The following BRD2 variants were observed in gnomAD, a reference collection of about 807,000 sequenced individuals.
BRD2 encodes the protein bromodomain-containing protein 2.
BRD2 carries 15 observed loss-of-function variants against 79.1 expected under a neutral mutation model. The observed-to-expected ratio is 0.19, with a 90% CI of 0.13 to 0.29. The LOEUF is 0.29. Among genes scored for constraint, BRD2 ranks in the 10% least tolerant of loss-of-function variants. The pLI, the probability that BRD2 is intolerant of heterozygous loss-of-function variation, is 1.00. For missense variants in BRD2, 1,053 were observed against 991.3 expected (o/e 1.06, Z -0.84); for synonymous variants, 488 against 358.6 (o/e 1.36, Z -4.08).
chr6:32,977,191 G>T, intron 7 of BRD2: 1 of 1,462,070 alleles, frequency 6.8e-7, no homozygotes, highest in South Asian at 1.2e-5. Flanking sequence ...GTTGGGTTAA[G>T]GAAGTTATAG....
At chr6:32,974,369 T>C (rs1239630137) in intron 2 of BRD2, 93 bp from the exon 3 acceptor site, 11 of 1,343,892 alleles carry the variant, frequency 8.2e-6, no homozygotes, top group Non-Finnish European at 9.3e-6. Context: ...ACCACCTCAC[T>C]AGGGCCAGCA....
At chr6:32,973,176 C>T (rs1297299230) in intron 2 of BRD2, 4 of 1,537,220 alleles carry the variant, frequency 2.6e-6, no homozygotes, top group Admixed American at 2.0e-5. Flanking sequence ...CAGTCTTAAC[C>T]GAGTCAGGCA....
intron 1 of BRD2, chr6:32,971,340 G>C (rs1382946419): frequency 1.1e-5 from 4 of 367,716 alleles, no homozygotes; most frequent in Non-Finnish European, 1.9e-5. Context: ...AAAGGTGCTT[G>C]GACGTGCAAA....
At chr6:32,973,266 G>T (rs926565359) in intron 2 of BRD2, 36 of 1,054,722 alleles carry the variant, frequency 3.4e-5, no homozygotes, top group Non-Finnish European at 4.7e-5. Context: ...GCGGCGGTCT[G>T]TTAGCCTTTT....
intron 8 of BRD2, 74 bp downstream of exon 8, chr6:32,977,644 A>G (rs889849829): frequency 3.1e-6 from 5 of 1,603,068 alleles, no homozygotes; most frequent in Admixed American, 3.4e-5. Flanking sequence ...GCATAGCCTC[A>G]ACGTGAGGGT....
In BRD2 at chr6:32,972,755, C is replaced by G. The variant is rs1299823174; in HGVS notation, c.-144C>G. ...CCCAAAGAGACTGCTTTCGTGCCGG[C>G]CAGGCAGGGGGTTTGTCGCCTGGAG... On this transcript the variant is annotated 5_prime_UTR_variant, in exon 2 of 13. Transcript: ENST00000374825. The G allele has an allele frequency of 3.1e-6, 4 of 1,276,310 alleles. No homozygotes were observed. In the Admixed American group the frequency reaches 7.2e-5, roughly 23 times the overall value. 79.1% of individuals were successfully genotyped at this position (1,276,310 alleles called of 1,614,324 possible). A position where few individuals can be genotyped will look rare whatever the true frequency, so the allele number is the denominator to read the frequency against.
rs6924369 is a variant in BRD2, at chr6:32,975,376, T to G, written c.334-8T>G. 3.1e-5 allele frequency: 49 copies of G among 1,600,386 alleles called. No homozygotes were observed. The highest frequency in any genetic ancestry group is 1.7e-4 in the Middle Eastern group (1 of 5,874). On this transcript the variant is annotated splice_region_variant and splice_polypyrimidine_tract_variant and intron_variant, in intron 3 of 12. Coordinates refer to ENST00000374825, the MANE Select transcript of BRD2 (RefSeq NM_005104.4). ...TCTGTGGTTCTGACCTAACATTTTT[T>G]TATTTAGGATTATCACAAAATTATA...
chr6:32,976,012 GCTGT>G lies in BRD2; in HGVS notation c.472-14_472-11del, dbSNP rs1561941555. ...TTGGCATTTTTTAACTTTCTTTATT[GCTGT>G]CTGTGTTCTCATAGCCCACTGATGA... On this transcript the variant is annotated splice_polypyrimidine_tract_variant and intron_variant, in intron 4 of 12. Coordinates refer to ENST00000374825, the MANE Select transcript of BRD2 (RefSeq NM_005104.4). The G allele has an allele frequency of 8.2e-6, 13 of 1,581,750 alleles. No individual in the cohort carries two copies. Among genetic ancestry groups the G allele is most frequent in the African/African-American group, 1.4e-5 (1 of 73,040 alleles).
Position 32,976,740 on chromosome 6 carries a change from A to G in BRD2, c.1004A>G (p.Gln335Arg). 1.2e-6 allele frequency: 2 copies of G among 1,613,314 alleles called. No individual in the cohort carries two copies. Among genetic ancestry groups the G allele is most frequent in the Non-Finnish European group, 1.7e-6 (2 of 1,180,038 alleles). ...CCACGCAAAGACTTGCCTGACTCTC[A>G]GCAACAACACCAGAGCTCTAAGAAA... ...KPPRKDLPDSQQQHQSSKKGK... is the reference protein window; with the variant it reads ...KPPRKDLPDSRQQHQSSKKGK... Residue 335 changes from glutamine (Q) to arginine (R), a missense_variant, in exon 7 of 13, where the codon CAG becomes CGG. Transcript: ENST00000374825.
intron 10 of BRD2, 57 bp downstream of exon 10, chr6:32,978,445 G>A (rs892091395): frequency 3.2e-6 from 5 of 1,571,694 alleles, no homozygotes; most frequent in Non-Finnish European, 2.6e-6. Flanking sequence ...TCTGGGGGAT[G>A]CCATCTCTCT....
rs767729591 is a variant in BRD2 at position 32,977,578 on chromosome 6, G to A, written c.1329+8G>A. On this transcript the variant is annotated splice_region_variant and intron_variant, in intron 8 of 12. Coordinates refer to ENST00000374825, the MANE Select transcript of BRD2 (RefSeq NM_005104.4). The stretch of plus-strand genomic sequence containing the variant: ...ATGGCACGAAAGCTACAGGTGAGTG[G>A]AAAGGTTGGAGTTTGAAAAATAAAT... 2.2e-5 allele frequency: 35 copies of A among 1,613,706 alleles called. No individual in the cohort carries two copies. Among genetic ancestry groups the A allele is most frequent in the Non-Finnish European group, 2.8e-5 (33 of 1,179,974 alleles).
intron 8 of BRD2, 85 bp downstream of exon 8, chr6:32,977,655 C>A: frequency 6.2e-7 from 1 of 1,601,462 alleles, no homozygotes; most frequent in South Asian, 1.1e-5. Context: ...ACGTGAGGGT[C>A]TCACTGTTCT....
intron 10 of BRD2, chr6:32,979,469 C>T (rs1452368528): frequency 1.1e-5 from 3 of 276,880 alleles, no homozygotes; most frequent in African/African-American, 2.2e-5. Flanking sequence ...CTTCACTTTA[C>T]GGAGTTTTTT....
Position 32,976,314 on chromosome 6 carries a change from C to A in BRD2, c.675C>A (p.Ala225=). The A allele has an allele frequency of 6.2e-7, 1 of 1,613,062 alleles. No individual in the cohort carries two copies. The part of the protein sequence containing the change: ...VPAVSSVSHT[A]LYTPPPEIPT... ...CCGTCTCTTCTGTGTCACACACAGC[C>A]CTGTATACTCCTCCACCTGAGATAC... The change falls in exon 6 of 13, where the codon GCC becomes GCA. Residue 225 remains alanine (A), a synonymous_variant. Coordinates refer to ENST00000374825, the MANE Select transcript of BRD2 (RefSeq NM_005104.4).
At chr6:32,969,829 CA>C in intron 1 of BRD2, among the ~76,000 whole-genome samples, 1 of 152,274 alleles carries the variant, frequency 6.6e-6, no homozygotes, top group Middle Eastern at 3.4e-3. Flanking sequence ...AATGATTTCA[CA>C]GCTCCCAAGG....
At chr6:32,970,254 C>T (rs893456462) in intron 1 of BRD2, 1 of 152,350 alleles carries the variant, frequency 6.6e-6, no homozygotes, top group African/African-American at 2.4e-5. Flanking sequence ...TCATTGCCCT[C>T]CATGCTGCAG....
rs543676741 is a variant in BRD2, at chr6:32,980,828, C to G, written c.*110C>G. 3.3e-5 allele frequency: 44 copies of G among 1,349,828 alleles called. No individual in the cohort carries two copies. In the African/African-American group the frequency reaches 5.8e-4, roughly 18 times the overall value. 83.6% of individuals were successfully genotyped at this position (1,349,828 alleles called of 1,614,324 possible). Reference sequence around the variant, plus strand: ...GTGACACTTCTTCATCTCACCCCCCCCCGCCCCCCTCTAGGAGAGCTGGCT... The same window carrying G: ...GTGACACTTCTTCATCTCACCCCCCGCCGCCCCCCTCTAGGAGAGCTGGCT... On this transcript the variant is annotated 3_prime_UTR_variant, in exon 13 of 13. Coordinates refer to ENST00000374825, the MANE Select transcript of BRD2 (RefSeq NM_005104.4).
rs2127527880 is a variant in BRD2, at chr6:32,980,411, G to A, written c.2216G>A (p.Arg739Gln). The A allele has an allele frequency of 1.2e-6, 2 of 1,613,054 alleles. No individual in the cohort carries two copies. The highest frequency in any genetic ancestry group is 1.7e-6 in the Non-Finnish European group (2 of 1,180,032). ...ALEKKRELEK[R>Q]LQDVSGQLNS... is the part of the protein sequence containing the mutation. ...GAGAAAAAGCGGGAATTAGAAAAGCGGTTACAAGATGTCAGCGGACAGCTC... is the reference window on the plus strand; with the variant it reads ...GAGAAAAAGCGGGAATTAGAAAAGCAGTTACAAGATGTCAGCGGACAGCTC... The change falls in exon 12 of 13, where the codon CGG becomes CAG. Residue 739 changes from arginine to glutamine, a missense_variant. Arg to Gln is a conservative substitution (Grantham distance 43). Transcript: ENST00000374825.
chr6:32,971,779 T>G lies in BRD2; in HGVS notation c.-1120T>G, dbSNP rs142535126. 1.6e-6 allele frequency: 1 copy of G among 625,046 alleles called. No homozygotes were observed. Among genetic ancestry groups the G allele is most frequent in the South Asian group, 1.8e-5 (1 of 54,906 alleles). The allele number at this position is 625,046 out of a possible 1,614,324, so 38.7% of individuals were successfully genotyped here. On this transcript the variant is annotated 5_prime_UTR_variant, in exon 2 of 13. It removes an upstream start codon present in the reference 5' UTR. Coordinates refer to ENST00000374825, the MANE Select transcript of BRD2 (RefSeq NM_005104.4). ...TGGCAGTCTCCAGTTGGGCTGTGCA[T>G]GGAAGCTTGGGAAGACTTTGTTGGA...
Sources: allele counts gnomAD v4.1 joint callset (sites outside exome capture counted in the v4.1 genomes callset), GRCh38; gene constraint gnomAD v4.1.1; transcripts MANE v1.5; gene names NCBI Gene and HGNC (gene_info 2026-07-23, HGNC 2026-07-21).